The following OSTN variants were observed in gnomAD, a reference collection of about 807,000 sequenced individuals.
OSTN encodes osteocrin.
In OSTN, 9 loss-of-function variants were observed where a neutral mutation model predicts 12.0. That is an observed-to-expected ratio of 0.75 (90% confidence interval 0.45 to 1.30). The LOEUF (loss-of-function observed/expected upper bound fraction) is 1.30, where lower values mean the gene tolerates loss of function less well. OSTN is among the 50% of genes most tolerant of loss of function. OSTN has a pLI of 0.00. For synonymous variants in OSTN, 59 were observed against 56.9 expected, an observed-to-expected ratio of 1.04 and a Z score of -0.16; for missense variants, 148 against 152.3, an observed-to-expected ratio of 0.97 and a Z score of 0.15.
At chr3:191,230,202 G>C (rs1351414176) in intron 3 of OSTN, among the ~76,000 whole-genome samples, 1 of 151,982 alleles carries the variant, frequency 6.6e-6, no homozygotes, top group Admixed American at 6.5e-5. Flanking sequence ...TGTCCTTTCT[G>C]ACAGGTTAAG....
At chr3:191,262,090 G>A (rs1255230038) in intron 4 of OSTN, among the ~76,000 whole-genome samples, 2 of 152,048 alleles carry the variant, frequency 1.3e-5, no homozygotes, top group Admixed American at 1.3e-4. Context: ...TGGTAGCATG[G>A]GCCTATAATC....
chr3:191,259,548 A>G (rs938089750), intron 4 of OSTN, among the ~76,000 whole-genome samples: 1 of 151,532 alleles, frequency 6.6e-6, no homozygotes, highest in Non-Finnish European at 1.5e-5. Context: ...AATAAGCCTT[A>G]ACCAAGGTTC....
At chr3:191,255,163 T>G (rs562267468) in intron 4 of OSTN, among the ~76,000 whole-genome samples, 5 of 152,184 alleles carry the variant, frequency 3.3e-5, no homozygotes, top group South Asian at 2.1e-4. Context: ...CCTAGATCCC[T>G]TGCATGAACA....
Position 191,263,543 on chromosome 3 carries a change from G to A in OSTN, c.*690G>A, listed in dbSNP as rs1715856505. On this transcript the variant is annotated 3_prime_UTR_variant, in exon 5 of 5. Coordinates refer to ENST00000682035, the MANE Select transcript of OSTN (RefSeq NM_198184.2). ...AGTTAAGAGCAGTAGTGTCTCATTAGGAGGGGAGTAAGCTCACACAGAGGT... is the reference window on the plus strand; with the variant it reads ...AGTTAAGAGCAGTAGTGTCTCATTAAGAGGGGAGTAAGCTCACACAGAGGT... The A allele has an allele frequency of 1.3e-5, 2 of 152,264 alleles. No homozygotes were observed. The highest frequency in any genetic ancestry group is 4.1e-4 in the South Asian group (2 of 4,822). 9.4% of individuals were successfully genotyped at this position (152,264 alleles called of 1,614,324 possible). A position where few individuals can be genotyped will look rare whatever the true frequency, so the allele number is the denominator to read the frequency against.
chr3:191,209,057 G>T (rs775524975), intron 1 of OSTN, among the ~76,000 whole-genome samples: 5 of 152,164 alleles, frequency 3.3e-5, no homozygotes, highest in Admixed American at 6.5e-5. Context: ...TACTCAGGAG[G>T]CTGAGGCAGG....
intron 4 of OSTN, among the ~76,000 whole-genome samples, chr3:191,255,702 A>G (rs1026049543): frequency 3.9e-5 from 6 of 152,266 alleles, no homozygotes; most frequent in Admixed American, 3.9e-4. Flanking sequence ...TAAGATATAA[A>G]TAGCCCTAAA....
At chr3:191,232,662 G>A (rs1353798224) in intron 3 of OSTN, among the ~76,000 whole-genome samples, 3 of 146,608 alleles carry the variant, frequency 2.0e-5, no homozygotes, top group African/African-American at 7.6e-5. Flanking sequence ...GTGCAATGGT[G>A]AGATCTCGGC....
At chr3:191,231,067 T>G (rs1462946142) in intron 3 of OSTN, among the ~76,000 whole-genome samples, 1 of 152,208 alleles carries the variant, frequency 6.6e-6, no homozygotes, top group Non-Finnish European at 1.5e-5. Context: ...CAAGTTAAAT[T>G]CCAAGGACAC....
At chr3:191,216,113 G>A (rs1362057251) in intron 2 of OSTN, among the ~76,000 whole-genome samples, 3 of 152,176 alleles carry the variant, frequency 2.0e-5, no homozygotes, top group Non-Finnish European at 4.4e-5. Flanking sequence ...TTACTTCAAT[G>A]TACCAGCAGG....
intron 2 of OSTN, among the ~76,000 whole-genome samples, chr3:191,216,018 C>T (rs917749390): frequency 2.0e-5 from 3 of 152,202 alleles, no homozygotes; most frequent in Admixed American, 1.3e-4. Flanking sequence ...GAGGGCTCCA[C>T]CCCTTTAGTA....
chr3:191,200,147 A>G (rs1252911159), intron 1 of OSTN, among the ~76,000 whole-genome samples: 1 of 152,254 alleles, frequency 6.6e-6, no homozygotes, highest in East Asian at 1.9e-4. Flanking sequence ...TAGAATTGAT[A>G]GTGTTATACC....
intron 2 of OSTN, among the ~76,000 whole-genome samples, chr3:191,216,239 A>C (rs887125451): frequency 7.2e-5 from 11 of 152,212 alleles, no homozygotes; most frequent in African/African-American, 2.7e-4. Context: ...CAAGGCACCA[A>C]GTCCCAAGAC....
At chr3:191,223,387 A>G (rs1373618342) in intron 3 of OSTN, among the ~76,000 whole-genome samples, 1 of 152,224 alleles carries the variant, frequency 6.6e-6, no homozygotes, top group Non-Finnish European at 1.5e-5. Flanking sequence ...CATTAGAATT[A>G]GGTGTGAGCA....
At chr3:191,239,914 A>G (rs771306556) in intron 3 of OSTN, among the ~76,000 whole-genome samples, 42 of 152,192 alleles carry the variant, frequency 2.8e-4, no homozygotes. Context: ...TTGGAAAACA[A>G]TGACTAGTTA....
chr3:191,221,747 A>C (rs1714769483), intron 3 of OSTN, among the ~76,000 whole-genome samples: 1 of 152,254 alleles, frequency 6.6e-6, no homozygotes, highest in Non-Finnish European at 1.5e-5. Flanking sequence ...GGAGAAATTT[A>C]ATCCAGCAGC....
chr3:191,204,012 A>G (rs1376445980), intron 1 of OSTN, among the ~76,000 whole-genome samples: 1 of 152,108 alleles, frequency 6.6e-6, no homozygotes, highest in Non-Finnish European at 1.5e-5. Context: ...CTCAGCCTCC[A>G]GAGTGGCTGG....
chr3:191,244,262 A>G (rs902159208), intron 3 of OSTN, among the ~76,000 whole-genome samples: 5 of 152,120 alleles, frequency 3.3e-5, no homozygotes, highest in Non-Finnish European at 5.9e-5. Context: ...TGTTTCACAT[A>G]GGAAGTTTAG....
chr3:191,251,578 A>C (rs1156669824), intron 4 of OSTN, among the ~76,000 whole-genome samples: 2 of 152,200 alleles, frequency 1.3e-5, no homozygotes, highest in African/African-American at 4.8e-5. Context: ...AACCACAATA[A>C]ATAGTCAGTA....
At position 191,265,551 on chromosome 3, in the gene OSTN, T is replaced by C. The variant is rs1332900443; in HGVS notation, c.*2698T>C. On this transcript the variant is annotated 3_prime_UTR_variant, in exon 5 of 5. Coordinates refer to ENST00000682035, the MANE Select transcript of OSTN (RefSeq NM_198184.2). ...TCTGAATGATATTACCCCTTATACCTAAAGGCTCAAGATGCTTGAATATGG... is the reference window on the plus strand; with the variant it reads ...TCTGAATGATATTACCCCTTATACCCAAAGGCTCAAGATGCTTGAATATGG... 3 of 152,230 alleles carry C rather than the reference T, an allele frequency of 2.0e-5. No individual in the cohort carries two copies. Among genetic ancestry groups the C allele is most frequent in the African/African-American group, 7.2e-5 (3 of 41,456 alleles). 9.4% of individuals were successfully genotyped at this position (152,230 alleles called of 1,614,324 possible).
Sources: allele counts gnomAD v4.1 joint callset (sites outside exome capture counted in the v4.1 genomes callset), GRCh38; gene constraint gnomAD v4.1.1; transcripts MANE v1.5; gene names NCBI Gene and HGNC (gene_info 2026-07-23, HGNC 2026-07-21).